The following TMEM132D variants were observed in gnomAD, a reference collection of about 807,000 sequenced individuals.
TMEM132D encodes the protein mature OL transmembrane protein.
In TMEM132D, 21 loss-of-function variants were observed where a neutral mutation model predicts 62.3. The ratio of observed to expected loss-of-function variants is 0.34; its 90% CI spans 0.24 to 0.49. The LOEUF is 0.49. Among genes scored for constraint, TMEM132D ranks in the 20% least tolerant of loss-of-function variants. The pLI is 0.99. For synonymous variants in TMEM132D, 621 were observed against 575.6 expected (o/e 1.08, Z -1.13); for missense variants, 1,346 against 1,402.8 (o/e 0.96, Z 0.65).
intron 3 of TMEM132D, among the ~76,000 whole-genome samples, chr12:129,510,752 C>T (rs867225703): frequency 1.3e-5 from 2 of 152,098 alleles, no homozygotes; most frequent in East Asian, 1.9e-4. Flanking sequence ...TGTATTCCAG[C>T]GTCTAATAAT....
At chr12:129,578,889 CT>C (rs1877761973) in intron 2 of TMEM132D, among the ~76,000 whole-genome samples, 1 of 152,176 alleles carries the variant, frequency 6.6e-6, no homozygotes, top group East Asian at 1.9e-4. Context: ...ACTCAGTCCA[CT>C]GATTCAAATG....
chr12:129,831,591 T>C (rs1197071303), intron 1 of TMEM132D, among the ~76,000 whole-genome samples: 1 of 152,216 alleles, frequency 6.6e-6, no homozygotes. Flanking sequence ...GACCATGACC[T>C]AGCGGTTTTC....
At chr12:129,808,340 A>G (rs61942086) in intron 1 of TMEM132D, among the ~76,000 whole-genome samples, 2,244 of 152,300 alleles carry the variant, frequency 0.015, 66 homozygotes, top group East Asian at 0.13. Flanking sequence ...TCACATATTA[A>G]AAGAAAAACA....
chr12:129,291,217 GC>G (rs1881437844), intron 4 of TMEM132D, among the ~76,000 whole-genome samples: 1 of 152,162 alleles, frequency 6.6e-6, no homozygotes, highest in African/African-American at 2.4e-5. Flanking sequence ...ATATTATGCA[GC>G]CCTAATTTTA....
intron 4 of TMEM132D, among the ~76,000 whole-genome samples, chr12:129,310,915 G>C (rs1051357672): frequency 6.6e-6 from 1 of 152,150 alleles, no homozygotes; most frequent in African/African-American, 2.4e-5. Flanking sequence ...GAACTGGAGG[G>C]AGAAAGAAAG....
intron 4 of TMEM132D, among the ~76,000 whole-genome samples, chr12:129,292,999 G>A (rs1209322452): frequency 2.6e-5 from 4 of 152,138 alleles, no homozygotes; most frequent in Non-Finnish European, 4.4e-5. Context: ...TTCCCAGAAC[G>A]AGCCGAGGAG....
intron 1 of TMEM132D, among the ~76,000 whole-genome samples, chr12:129,804,767 A>G (rs1202934718): frequency 1.2e-4 from 11 of 94,684 alleles, no homozygotes; most frequent in African/African-American, 3.0e-4. Flanking sequence ...GTTTGCAGAC[A>G]ACATGATTGT....
intron 3 of TMEM132D, among the ~76,000 whole-genome samples, chr12:129,417,144 T>A (rs903547760): frequency 2.0e-5 from 3 of 152,198 alleles, no homozygotes; most frequent in African/African-American, 7.2e-5. Flanking sequence ...TCTTTGTACC[T>A]CTGGTAGAAT....
intron 2 of TMEM132D, among the ~76,000 whole-genome samples, chr12:129,623,369 T>C (rs1412683906): frequency 1.3e-5 from 2 of 152,106 alleles, no homozygotes; most frequent in African/African-American, 4.8e-5. Context: ...GGGCTTTCAC[T>C]GGACCTGTCA....
intron 3 of TMEM132D, among the ~76,000 whole-genome samples, chr12:129,464,341 A>G (rs1873807792): frequency 6.6e-6 from 1 of 151,914 alleles, no homozygotes; most frequent in Non-Finnish European, 1.5e-5. Context: ...TTGTAAATTT[A>G]TTTAAGTTCA....
At chr12:129,317,031 TGTGTTAG>T (rs1868509875) in intron 4 of TMEM132D, among the ~76,000 whole-genome samples, 1 of 152,186 alleles carries the variant, frequency 6.6e-6, no homozygotes, top group South Asian at 2.1e-4. Flanking sequence ...TGAGTCCTTA[TGTGTTAG>T]GTGAGTCTCC....
chr12:129,090,144 G>C (rs745548437), intron 5 of TMEM132D, among the ~76,000 whole-genome samples: 3 of 152,164 alleles, frequency 2.0e-5, no homozygotes, highest in Non-Finnish European at 4.4e-5. Context: ...GCCCAGGTCC[G>C]GTTAAGAGTG....
At chr12:129,851,371 G>A (rs910674010) in intron 1 of TMEM132D, among the ~76,000 whole-genome samples, 1 of 152,002 alleles carries the variant, frequency 6.6e-6, no homozygotes, top group Non-Finnish European at 1.5e-5. Flanking sequence ...TTTCCTTCTC[G>A]CAGGCTACTA....
intron 4 of TMEM132D, among the ~76,000 whole-genome samples, chr12:129,336,569 C>CAAAAAAA (rs1422495874): frequency 6.0e-5 from 9 of 149,292 alleles, no homozygotes; most frequent in African/African-American, 2.2e-4. Flanking sequence ...GGCACTCCGT[C>CAAAAAAA]AAAAAGAAAA....
intron 3 of TMEM132D, 128 bp downstream of exon 3, chr12:129,530,931 T>C: frequency 2.0e-6 from 2 of 995,956 alleles, no homozygotes; most frequent in South Asian, 1.9e-5. Flanking sequence ...GAGGCCCTGA[T>C]AGAATAGACG....
chr12:129,405,327 C>A (rs1190741673), intron 3 of TMEM132D, among the ~76,000 whole-genome samples: 1 of 152,240 alleles, frequency 6.6e-6, no homozygotes, highest in African/African-American at 2.4e-5. Flanking sequence ...CATCACGGGG[C>A]TCTACCCTCA....
intron 5 of TMEM132D, among the ~76,000 whole-genome samples, chr12:129,139,988 T>G (rs1876691884): frequency 6.6e-6 from 1 of 152,080 alleles, no homozygotes; most frequent in South Asian, 2.1e-4. Flanking sequence ...AGTGTTGGGA[T>G]TACAGGCATA....
intron 1 of TMEM132D, among the ~76,000 whole-genome samples, chr12:129,746,454 G>A (rs1487046710): frequency 3.3e-5 from 5 of 152,064 alleles, no homozygotes; most frequent in African/African-American, 9.7e-5. Flanking sequence ...ATTAGGAGAC[G>A]GGAGGATATC....
At chr12:129,210,629 T>C (rs1269189079) in intron 4 of TMEM132D, among the ~76,000 whole-genome samples, 2 of 152,196 alleles carry the variant, frequency 1.3e-5, no homozygotes, top group Non-Finnish European at 2.9e-5. Context: ...TACTTTTACT[T>C]ATAGTTATTT....
Sources: gnomAD v4.1 joint callset for allele counts (sites outside exome capture counted in the v4.1 genomes callset) on GRCh38, gnomAD v4.1.1 for gene constraint, MANE v1.5 for transcripts, NCBI Gene and HGNC (gene_info 2026-07-23, HGNC 2026-07-21) for gene names.